Variants in ADGRB1 observed in about 807,000 individuals in gnomAD.
ADGRB1 encodes brain-specific angiogenesis inhibitor 1.
A neutral mutation model predicts 175.7 loss-of-function variants in ADGRB1; 36 were observed. The ratio of observed to expected loss-of-function variants is 0.20; its 90% CI spans 0.16 to 0.27. The LOEUF (loss-of-function observed/expected upper bound fraction) is 0.27, where lower values mean the gene tolerates loss of function less well. Among genes scored for constraint, ADGRB1 ranks in the 10% least tolerant of loss-of-function variants. The pLI, the probability that ADGRB1 is intolerant of heterozygous loss-of-function variation, is 1.00. For synonymous variants in ADGRB1, 1,054 were observed against 979.4 expected, an observed-to-expected ratio of 1.08 and a Z score of -1.42; for missense variants, 1,731 against 2,255.3, an observed-to-expected ratio of 0.77 and a Z score of 4.71.
At chr8:142,484,140 G>C in intron 12 of ADGRB1, 95 bp downstream of exon 12, 1 of 1,096,208 alleles carries the variant, frequency 9.1e-7, no homozygotes. Flanking sequence ...GTGGGGTCCC[G>C]CCGGGTGCTC....
rs534129220 is a variant in ADGRB1 at position 142,500,159 on chromosome 8, G to A, written c.2675+9344G>A. Among the ~76,000 whole-genome samples, 94 of 151,956 alleles carry A rather than the reference G, an allele frequency of 6.2e-4. 1 individual carries two copies. Among genetic ancestry groups the A allele is most frequent in the African/African-American group, 1.7e-3 (71 of 41,386 alleles). On this transcript the variant is annotated intron_variant, in intron 17 of 30. Transcript: ENST00000517894. ...CTGCCGTCCGGCGCTGCCTGGGATC[G>A]GGGCAGGCAGGCTGGACATTTGTGT...
At chr8:142,526,088 G>A (rs1237659781) in intron 23 of ADGRB1, among the ~76,000 whole-genome samples, 2 of 152,174 alleles carry the variant, frequency 1.3e-5, no homozygotes, top group South Asian at 2.1e-4. Context: ...GGGCCCTTAT[G>A]GGGTGGGCAG....
At chr8:142,465,898 G>A (rs1048741981) in intron 2 of ADGRB1, among the ~76,000 whole-genome samples, 12 of 152,166 alleles carry the variant, frequency 7.9e-5, no homozygotes, top group Admixed American at 3.9e-4. Context: ...AGTCCTGTGG[G>A]GCTGCCAGCC....
chr8:142,520,010 A>ATGGTGGTGATGGTGG (rs1386147909), intron 19 of ADGRB1, among the ~76,000 whole-genome samples: 1 of 48,336 alleles, frequency 2.1e-5, no homozygotes, highest in Admixed American at 1.8e-4. Flanking sequence ...GATTATGGTG[A>ATGGTGGTGATGGTGG]TGGTGGTGAT....
intron 18 of ADGRB1, among the ~76,000 whole-genome samples, chr8:142,514,275 C>G (rs1035948505): frequency 1.3e-5 from 2 of 151,876 alleles, no homozygotes; most frequent in Admixed American, 1.3e-4. Flanking sequence ...GGATGAGATC[C>G]GGGCAGGGTG....
chr8:142,500,877 C>A (rs1180768384), intron 17 of ADGRB1, among the ~76,000 whole-genome samples: 1 of 152,094 alleles, frequency 6.6e-6, no homozygotes, highest in Non-Finnish European at 1.5e-5. Context: ...GTGGGGTCAG[C>A]CTGGAGATCC....
chr8:142,482,371 C>G (rs1447504212), intron 11 of ADGRB1, among the ~76,000 whole-genome samples: 1 of 150,112 alleles, frequency 6.7e-6, no homozygotes, highest in African/African-American at 2.5e-5. Flanking sequence ...CCTGGTCACA[C>G]TGAGCCCTGA....
chr8:142,461,379 A>G (rs1439174942), intron 1 of ADGRB1, among the ~76,000 whole-genome samples: 9 of 152,176 alleles, frequency 5.9e-5, no homozygotes, highest in Admixed American at 2.6e-4. Context: ...TTTCTCACCA[A>G]GCTGGAGCCT....
chr8:142,535,740 CCT>C (rs1486811130), intron 25 of ADGRB1, among the ~76,000 whole-genome samples: 2 of 151,582 alleles, frequency 1.3e-5, no homozygotes, highest in Non-Finnish European at 2.9e-5. Flanking sequence ...AGCCCCAGCT[CCT>C]CTGCTCGCCC....
Position 142,543,271 on chromosome 8 carries a change from C to G in ADGRB1, c.4414-132C>G. On this transcript the variant is annotated intron_variant, in intron 28 of 30. Coordinates refer to ENST00000517894, the MANE Select transcript of ADGRB1 (RefSeq NM_001702.3). This position sits in a 1 kb window ranked among gnomAD's most constrained non-coding sequence, Gnocchi z 4.4. ...CCTCAGTGCGCCCCCAGGCATGTCC[C>G]CTGGGTCTGGCCTGGTCCCTGAAGG... is the stretch of plus-strand genomic sequence containing the variant. 1.2e-5 allele frequency: 15 copies of G among 1,240,896 alleles called. No homozygotes were observed. Among genetic ancestry groups the G allele is most frequent in the Non-Finnish European group, 1.7e-5 (15 of 876,966 alleles). The allele number at this position is 1,240,896 out of a possible 1,614,324, so 76.9% of individuals were successfully genotyped here. A position where few individuals can be genotyped will look rare whatever the true frequency, so the allele number is the denominator to read the frequency against.
chr8:142,465,458 G>A (rs531070212), intron 2 of ADGRB1, among the ~76,000 whole-genome samples: 3 of 152,190 alleles, frequency 2.0e-5, no homozygotes, highest in Admixed American at 6.5e-5. Context: ...CTGGGGACTC[G>A]GGCTGCGTGG....
At position 142,542,772 on chromosome 8, in the gene ADGRB1, A is replaced by C; in HGVS notation, c.4413+125A>C. 2.4e-6 allele frequency: 2 copies of C among 832,804 alleles called. No homozygotes were observed. The highest frequency in any genetic ancestry group is 1.8e-6 in the Non-Finnish European group (1 of 563,840). The allele number at this position is 832,804 out of a possible 1,614,324, so 51.6% of individuals were successfully genotyped here. On this transcript the variant is annotated intron_variant, in intron 28 of 30. Coordinates refer to ENST00000517894, the MANE Select transcript of ADGRB1 (RefSeq NM_001702.3). The surrounding 1 kb of genome is among the most constrained non-coding windows in gnomAD (Gnocchi z 6.3). ...CGGGCTGGCTCTGCCTCCTAGCTACACCCCCCACCCCTGGCCCTGCTGGGT... is the reference window on the plus strand; with the variant it reads ...CGGGCTGGCTCTGCCTCCTAGCTACCCCCCCCACCCCTGGCCCTGCTGGGT...
At chr8:142,473,381 C>G (rs981323774) in intron 2 of ADGRB1, among the ~76,000 whole-genome samples, 1 of 152,190 alleles carries the variant, frequency 6.6e-6, no homozygotes, top group Non-Finnish European at 1.5e-5. Context: ...CACTGAGGCC[C>G]GGAGCACCTG....
Position 142,478,071 on chromosome 8 carries a change from C to G in ADGRB1, c.1388-116C>G, listed in dbSNP as rs955123655. The G allele has an allele frequency of 2.1e-5, 29 of 1,407,858 alleles. No homozygotes were observed. In the South Asian group the frequency reaches 3.4e-4, roughly 17 times the overall value. 87.2% of individuals were successfully genotyped at this position (1,407,858 alleles called of 1,614,324 possible). On this transcript the variant is annotated intron_variant, in intron 6 of 30. Transcript: ENST00000517894. ...GTGGTGGCCCCCAGGGTGTTCTCAT[C>G]TATGTCCCAGGCTGGGTGTGGGGTG... is the stretch of plus-strand genomic sequence containing the variant.
intron 11 of ADGRB1, among the ~76,000 whole-genome samples, chr8:142,481,929 C>A (rs112046026): frequency 6.6e-6 from 1 of 150,740 alleles, no homozygotes; most frequent in African/African-American, 2.4e-5. Context: ...GAGCCCTGAC[C>A]CTGGTCACAT....
Position 142,479,490 on chromosome 8 carries a change from G to T in ADGRB1, c.1726+3G>T. 6.5e-7 allele frequency: 1 copy of T among 1,539,102 alleles called. No individual in the cohort carries two copies. ...GTGCGGCACCCAGCGGTGTCCCGGTGAGGCCCCTCCTACCTGGGCTGGGCT... is the reference window on the plus strand; with the variant it reads ...GTGCGGCACCCAGCGGTGTCCCGGTTAGGCCCCTCCTACCTGGGCTGGGCT... On this transcript the variant is annotated splice_donor_region_variant and intron_variant, in intron 8 of 30. Transcript: ENST00000517894.
chr8:142,537,946 C>A lies in ADGRB1; in HGVS notation c.3666+864C>A, dbSNP rs903864460. 1.3e-5 allele frequency among the ~76,000 whole-genome samples: 2 copies of A among 152,184 alleles called. No individual in the cohort carries two copies. Among genetic ancestry groups the A allele is most frequent in the African/African-American group, 4.8e-5 (2 of 41,444 alleles). Reference sequence around the variant, plus strand: ...CCCACACCCGTCACTAGACCTCCTGCTTCTGCACCCAGAGGCTAGCACACA... The same window carrying A: ...CCCACACCCGTCACTAGACCTCCTGATTCTGCACCCAGAGGCTAGCACACA... On this transcript the variant is annotated intron_variant, in intron 26 of 30. Transcript: ENST00000517894. The surrounding 1 kb of genome is among the most constrained non-coding windows in gnomAD (Gnocchi z 4.6).
At chr8:142,481,753 G>C (rs1841349706) in intron 11 of ADGRB1, 42 bp downstream of exon 11, 1 of 1,466,376 alleles carries the variant, frequency 6.8e-7, no homozygotes, top group East Asian at 2.4e-5. Context: ...GTGTCGGGAA[G>C]GTGTCTGGGG....
At chr8:142,490,880 T>G in intron 17 of ADGRB1, 65 bp downstream of exon 17, 2 of 1,529,818 alleles carry the variant, frequency 1.3e-6, no homozygotes, top group Non-Finnish European at 1.8e-6. Flanking sequence ...GCTGGCCCAG[T>G]AGGGGAGGGG....
Sources: allele counts gnomAD v4.1 joint callset (sites outside exome capture counted in the v4.1 genomes callset), GRCh38; gene constraint gnomAD v4.1.1; non-coding constraint Gnocchi (gnomAD v3.1); transcripts MANE v1.5; gene names NCBI Gene and HGNC (gene_info 2026-07-23, HGNC 2026-07-21).